KCNN4: variants seen among roughly 807,000 people sequenced by gnomAD.
The protein encoded by KCNN4 is potassium calcium-activated channel subfamily N member 4.
Under a neutral mutation model 45.2 loss-of-function variants are expected in KCNN4, and 31 were observed. That is an observed-to-expected ratio of 0.69 (90% CI 0.52 to 0.92). KCNN4 has a LOEUF of 0.92. KCNN4 is among the 40% of genes least tolerant of loss of function. The probability of loss-of-function intolerance (pLI) is 0.00; values close to 1 mark genes in which losing one functional copy is unlikely to be tolerated. For missense variants in KCNN4, 463 were observed against 574.0 expected (o/e 0.81, Z 1.98); for synonymous variants, 231 against 254.6 (o/e 0.91, Z 0.88).
At chr19:43,771,976 T>C in intron 4 of KCNN4, 24 bp downstream of exon 4, 1 of 1,574,558 alleles carries the variant, frequency 6.4e-7, no homozygotes, top group Non-Finnish European at 8.6e-7. Flanking sequence ...ATAGGGATCA[T>C]GTCCCCAAGG....
intron 7 of KCNN4, 120 bp from the exon 8 acceptor site, chr19:43,767,827 G>C (rs1459676044): frequency 8.2e-7 from 1 of 1,219,918 alleles, no homozygotes; most frequent in Admixed American, 1.9e-5. Flanking sequence ...GATTACCCTC[G>C]ACAATAACTG....
intron 4 of KCNN4, among the ~76,000 whole-genome samples, chr19:43,770,543 T>C (rs777245536): frequency 2.6e-5 from 4 of 152,110 alleles, no homozygotes; most frequent in Non-Finnish European, 5.9e-5. Flanking sequence ...CCCAACCCTA[T>C]AGTTTCAGCT....
rs769323750 is a variant in KCNN4, at chr19:43,769,278, T to C, written c.1049+164A>G. 1.1e-4 allele frequency: 72 copies of C among 679,776 alleles called. No homozygotes were observed. The highest frequency in any genetic ancestry group is 1.6e-4 in the Non-Finnish European group (63 of 389,518). The allele number at this position is 679,776 out of a possible 1,614,324, so 42.1% of individuals were successfully genotyped here. ...GCGGAGACAAACCAGCACAGACACA[T>C]AGAGTCATGCACGGTCAGATCCAGG... On this transcript the variant is annotated intron_variant, in intron 6 of 8. Transcript: ENST00000648319. This position sits in a 1 kb window ranked among gnomAD's most constrained non-coding sequence, Gnocchi z 4.4.
chr19:43,777,314 TGTGTGTGTGTGG>T (rs1055099065), intron 1 of KCNN4, among the ~76,000 whole-genome samples: 25 of 149,444 alleles, frequency 1.7e-4, no homozygotes, highest in East Asian at 5.9e-4. Flanking sequence ...TGTGTGTGTG[TGTGTGTGTGTGG>T]GTGTGTGTGT....
chr19:43,779,705 C>A (rs1291910382), intron 1 of KCNN4, among the ~76,000 whole-genome samples: 1 of 152,084 alleles, frequency 6.6e-6, no homozygotes, highest in Non-Finnish European at 1.5e-5. Context: ...CCACTTTCCC[C>A]TTTCTTCCCT....
At chr19:43,773,969 A>G (rs900833933) in intron 3 of KCNN4, among the ~76,000 whole-genome samples, 2 of 152,148 alleles carry the variant, frequency 1.3e-5, no homozygotes, top group Admixed American at 6.5e-5. Context: ...GGGGAGACTG[A>G]AGGCTGCAGG....
rs899799204 is a variant in KCNN4, at chr19:43,767,065, G to A, written c.*28C>T. 1.7e-5 allele frequency: 3 copies of A among 173,676 alleles called. No homozygotes were observed. The highest frequency in any genetic ancestry group is 3.8e-5 in the Non-Finnish European group (3 of 79,102). The allele number at this position is 173,676 out of a possible 1,614,324, so 10.8% of individuals were successfully genotyped here. On this transcript the variant is annotated 3_prime_UTR_variant, in exon 9 of 9. Coordinates refer to ENST00000648319, the MANE Select transcript of KCNN4 (RefSeq NM_002250.3). ...GTCCACCACCTCAGTACTGGGGAAA[G>A]TAGCCTGGTTCCTCCTCGTGGGTCC...
In KCNN4 at chr19:43,780,902, G is replaced by A. The variant is rs372913560; in HGVS notation, c.-41C>T. ...GGGGCTCAGCCAGCTTCCTGCCCAG[G>A]GTCCCCCACCTCGCAGCACGCACAG... On this transcript the variant is annotated 5_prime_UTR_variant, in exon 1 of 9. Coordinates refer to ENST00000648319, the MANE Select transcript of KCNN4 (RefSeq NM_002250.3). The A allele has an allele frequency of 6.2e-7, 1 of 1,605,558 alleles. No individual in the cohort carries two copies.
At position 43,774,177 on chromosome 19, in the gene KCNN4, C is replaced by T. The variant is rs1244041831; in HGVS notation, c.683+15G>A. ...GGGGTTCCCCCCTGCGCATTTATGCCTCCATCACCCTCACCTCTCGGCCAC... is the reference window on the plus strand; with the variant it reads ...GGGGTTCCCCCCTGCGCATTTATGCTTCCATCACCCTCACCTCTCGGCCAC... On this transcript the variant is annotated intron_variant, in intron 3 of 8. Coordinates refer to ENST00000648319, the MANE Select transcript of KCNN4 (RefSeq NM_002250.3). The surrounding 1 kb of genome is among the most constrained non-coding windows in gnomAD (Gnocchi z 5.6). 6.2e-7 allele frequency: 1 copy of T among 1,601,270 alleles called. No individual in the cohort carries two copies. Among genetic ancestry groups the T allele is most frequent in the East Asian group, 2.2e-5 (1 of 44,496 alleles).
At chr19:43,770,081 G>A (rs755695759) in intron 4 of KCNN4, among the ~76,000 whole-genome samples, 30 of 152,152 alleles carry the variant, frequency 2.0e-4, no homozygotes, top group South Asian at 4.1e-4. Context: ...AGGATTGGAG[G>A]AGTGAGAGGA....
At chr19:43,773,921 C>A (rs916169618) in intron 3 of KCNN4, among the ~76,000 whole-genome samples, 4 of 152,110 alleles carry the variant, frequency 2.6e-5, no homozygotes, top group African/African-American at 9.7e-5. Flanking sequence ...GTCAGGCAGC[C>A]GGAAGGGAGG....
rs1439671449 is a variant in KCNN4 at position 43,774,891 on chromosome 19, A to G, written c.256-272T>C. 1.5e-4 allele frequency among the ~76,000 whole-genome samples: 23 copies of G among 152,134 alleles called. No homozygotes were observed. Among genetic ancestry groups the G allele is most frequent in the Admixed American group, 1.5e-3 (23 of 15,276 alleles). On this transcript the variant is annotated intron_variant, in intron 2 of 8. Coordinates refer to ENST00000648319, the MANE Select transcript of KCNN4 (RefSeq NM_002250.3). This position sits in a 1 kb window ranked among gnomAD's most constrained non-coding sequence, Gnocchi z 5.6. ...ACTGAGCGCCGACTGTGTGCCTGAC[A>G]TTGTTCTATGTGCTAAGGATACACA...
At chr19:43,775,687 G>A (rs759946609) in intron 2 of KCNN4, among the ~76,000 whole-genome samples, 87 of 152,164 alleles carry the variant, frequency 5.7e-4, no homozygotes, top group Non-Finnish European at 2.1e-4. Flanking sequence ...GAAAGGGAAT[G>A]GAGCAACAGG....
At chr19:43,780,491 G>A (rs11881546) in intron 1 of KCNN4, among the ~76,000 whole-genome samples, 430 of 21,994 alleles carry the variant, frequency 0.02, 19 homozygotes, top group African/African-American at 0.056. Context: ...CAGGAGTCCA[G>A]GCCCTCAGTC....
intron 3 of KCNN4, among the ~76,000 whole-genome samples, chr19:43,773,048 C>A (rs1969688193): frequency 6.6e-6 from 1 of 152,232 alleles, no homozygotes; most frequent in Admixed American, 6.5e-5. Flanking sequence ...ATGGTAATCC[C>A]AGCACTTTGG....
At position 43,769,561 on chromosome 19, in the gene KCNN4, C is replaced by G; in HGVS notation, c.931-1G>C. The G allele has an allele frequency of 6.2e-7, 1 of 1,613,314 alleles. No individual in the cohort carries two copies. The highest frequency in any genetic ancestry group is 1.1e-5 in the South Asian group (1 of 91,070). Reference sequence around the variant, plus strand: ...GCACTCGGGCAGCGGACTCCTTCATCTGGGGGTGGGTGGCACAGTGTCCGT... The same window carrying G: ...GCACTCGGGCAGCGGACTCCTTCATGTGGGGGTGGGTGGCACAGTGTCCGT... On this transcript the variant is annotated splice_acceptor_variant, in intron 5 of 8. Coordinates refer to ENST00000648319, the MANE Select transcript of KCNN4 (RefSeq NM_002250.3). LOFTEE classifies it high-confidence loss of function. This position sits in a 1 kb window ranked among gnomAD's most constrained non-coding sequence, Gnocchi z 4.4.
intron 8 of KCNN4, 128 bp from the exon 9 acceptor site, chr19:43,767,217 C>G (rs903082030): frequency 2.5e-5 from 7 of 274,766 alleles, no homozygotes; most frequent in Admixed American, 9.1e-5. Context: ...TTCCGGGCCC[C>G]GAGGCCAGGG....
chr19:43,777,088 C>A (rs1302249886), intron 1 of KCNN4, among the ~76,000 whole-genome samples: 2 of 151,992 alleles, frequency 1.3e-5, no homozygotes, highest in Non-Finnish European at 2.9e-5. Context: ...CGTCTCGAAA[C>A]AAGCAAGCAA....
rs143022292 is a variant in KCNN4, at chr19:43,776,888, G to A, written c.160-252C>T. On this transcript the variant is annotated intron_variant, in intron 1 of 8. Coordinates refer to ENST00000648319, the MANE Select transcript of KCNN4 (RefSeq NM_002250.3). ...TGAGGCAGGTGGATCACCGAAGGTC[G>A]GGAGTTTGAGACCCCCTGGCCAACA... 2.4e-3 allele frequency: 1,024 copies of A among 430,304 alleles called. 11 individuals carry two copies. Among genetic ancestry groups the A allele is most frequent in the African/African-American group, 0.018 (894 of 50,350 alleles). The allele number at this position is 430,304 out of a possible 1,614,324, so 26.7% of individuals were successfully genotyped here.
Sources: allele counts gnomAD v4.1 joint callset (sites outside exome capture counted in the v4.1 genomes callset), GRCh38; gene constraint gnomAD v4.1.1; non-coding constraint Gnocchi (gnomAD v3.1); transcripts MANE v1.5; gene names NCBI Gene and HGNC (gene_info 2026-07-23, HGNC 2026-07-21).